Variants in CD5L observed in about 807,000 individuals in gnomAD.
The protein encoded by CD5L is CD5 molecule like.
CD5L carries 39 observed loss-of-function variants against 40.8 expected under a neutral mutation model. The observed-to-expected ratio is 0.96, with a 90% CI of 0.74 to 1.25. CD5L has a LOEUF of 1.25. Ranked by LOEUF, CD5L falls within the 50% of genes most tolerant of loss-of-function variation. The pLI is 0.00. For missense variants in CD5L, 433 were observed against 435.9 expected (o/e 0.99, Z 0.06); for synonymous variants, 192 against 169.6 (o/e 1.13, Z -1.03).
At position 157,833,323 on chromosome 1, in the gene CD5L, G is replaced by A; in HGVS notation, c.908C>T (p.Pro303Leu). ...ATCCAGCCAGATGCGGCCAACCCCA[G>A]GGCCATAGCATTTCCGGTCTCTGAA... ...PSFRDRKCYG[P>L]GVGRIWLDNV... Residue 303 changes from proline to leucine, a missense_variant, in exon 5 of 6, where the codon CCT (proline) becomes CTT (leucine). Coordinates refer to ENST00000368174, the MANE Select transcript of CD5L (RefSeq NM_005894.3). 1.2e-6 allele frequency: 2 copies of A among 1,614,150 alleles called. No homozygotes were observed. Among genetic ancestry groups the A allele is most frequent in the Non-Finnish European group, 1.7e-6 (2 of 1,180,024 alleles).
downstream of CD5L, among the ~76,000 whole-genome samples, chr1:157,827,427 T>C (rs1655930802): frequency 6.6e-6 from 1 of 152,140 alleles, no homozygotes; most frequent in Admixed American, 6.5e-5. Context: ...TCTGATGGCC[T>C]GAGAACTAGA....
Position 157,834,488 on chromosome 1 carries a change from C to T in CD5L, c.637G>A (p.Ala213Thr). 6.2e-7 allele frequency: 1 copy of T among 1,614,202 alleles called. No individual in the cohort carries two copies. The highest frequency in any genetic ancestry group is 8.5e-7 in the Non-Finnish European group (1 of 1,180,040). The part of the protein sequence containing the change: ...LSQMSCSGRE[A>T]TLQDCPSGPW... ...CCAGAAGGGCAATCCTGAAGGGTTG[C>T]TTCTCGTCCTGAGCATGACATCTGG... Residue 213 changes from alanine to threonine, a missense_variant, in exon 4 of 6, where the codon GCA becomes ACA. By Grantham distance (58) the Ala-to-Thr change is moderately conservative. Coordinates refer to ENST00000368174, the MANE Select transcript of CD5L (RefSeq NM_005894.3).
chr1:157,831,650 T>C lies in CD5L; in HGVS notation c.*314A>G, dbSNP rs1197360255. On this transcript the variant is annotated 3_prime_UTR_variant, in exon 6 of 6. Coordinates refer to ENST00000368174, the MANE Select transcript of CD5L (RefSeq NM_005894.3). ...TGCACATCTGACCAAAGTGACAGGT[T>C]TGAGGATTCCAGGCAGCTTGAGAAA... The C allele has an allele frequency of 6.9e-6, 8 of 1,160,946 alleles. No homozygotes were observed. The Admixed American group carries it at 3.7e-4, about 53-fold the overall frequency. 71.9% of individuals were successfully genotyped at this position (1,160,946 alleles called of 1,614,324 possible).
At chr1:157,835,219 T>G (rs910087392) in intron 3 of CD5L, among the ~76,000 whole-genome samples, 8 of 152,204 alleles carry the variant, frequency 5.3e-5, no homozygotes, top group African/African-American at 1.9e-4. Flanking sequence ...AAACAAATTC[T>G]GTGGGCAGAC....
At position 157,831,455 on chromosome 1, in the gene CD5L, T is replaced by G. The variant is rs930837140; in HGVS notation, c.*509A>C. 2 of 980,544 alleles carry G rather than the reference T, an allele frequency of 2.0e-6. No individual in the cohort carries two copies. Among genetic ancestry groups the G allele is most frequent in the African/African-American group, 1.8e-5 (1 of 56,988 alleles). 60.7% of individuals were successfully genotyped at this position (980,544 alleles called of 1,614,324 possible). On this transcript the variant is annotated 3_prime_UTR_variant, in exon 6 of 6. Transcript: ENST00000368174. Reference sequence around the variant, plus strand: ...GAAGCTTGAGGAAAAAAAAAAAAAGTAGTCCAATCAAAAGAATTCTAAACT... The same window carrying G: ...GAAGCTTGAGGAAAAAAAAAAAAAGGAGTCCAATCAAAAGAATTCTAAACT...
downstream of CD5L, among the ~76,000 whole-genome samples, chr1:157,827,387 G>A (rs922993534): frequency 6.6e-6 from 1 of 151,952 alleles, no homozygotes; most frequent in Non-Finnish European, 1.5e-5. Flanking sequence ...TGGAGACATA[G>A]GAAAGGTGGT....
intron 1 of CD5L, among the ~76,000 whole-genome samples, chr1:157,840,057 T>A (rs1343880376): frequency 1.3e-5 from 2 of 152,248 alleles, no homozygotes; most frequent in Non-Finnish European, 2.9e-5. Context: ...GAAATTTAAA[T>A]TTTTTGTCAT....
chr1:157,835,680 T>A (rs1656190461), intron 3 of CD5L, among the ~76,000 whole-genome samples, 155 bp downstream of exon 3: 1 of 152,186 alleles, frequency 6.6e-6, no homozygotes, highest in African/African-American at 2.4e-5. Context: ...ATATTGTTTA[T>A]CTCCAGCACT....
chr1:157,837,280 A>G (rs913503614), intron 2 of CD5L, among the ~76,000 whole-genome samples: 1 of 152,062 alleles, frequency 6.6e-6, no homozygotes, highest in Admixed American at 6.6e-5. Context: ...CAAGACATGC[A>G]AGGAGAGTGG....
rs755311343 is a variant in CD5L, at chr1:157,833,257, C to A, written c.974G>T (p.Cys325Phe). The change falls in exon 5 of 6, where the codon TGC (cysteine) becomes TTC (phenylalanine). Residue 325 changes from cysteine to phenylalanine, a missense_variant. Coordinates refer to ENST00000368174, the MANE Select transcript of CD5L (RefSeq NM_005894.3). ...GTGAAACCCCCAAAATCTGTGCTGG[C>A]ACTGCTCCAGGGACTGCTCCTCCCC... is the stretch of plus-strand genomic sequence containing the variant. ...CSGEEQSLEQ[C>F]QHRFWGFHDC... 2.2e-5 allele frequency: 35 copies of A among 1,614,072 alleles called. No homozygotes were observed. The highest frequency in any genetic ancestry group is 3.0e-5 in the Non-Finnish European group (35 of 1,180,042).
At chr1:157,839,903 G>C (rs1012207774) in intron 1 of CD5L, among the ~76,000 whole-genome samples, 1 of 152,158 alleles carries the variant, frequency 6.6e-6, no homozygotes, top group South Asian at 2.1e-4. Context: ...CTTACTGTAA[G>C]AGGCCAGACA....
chr1:157,832,022 T>C (rs1178266678), intron 5 of CD5L, 54 bp from the exon 6 acceptor site: 7 of 1,375,194 alleles, frequency 5.1e-6, no homozygotes, highest in African/African-American at 1.5e-5. Flanking sequence ...AGGAAGGAAT[T>C]ATTCAGTTGA....
rs1417531660 is a variant in CD5L at position 157,833,501 on chromosome 1, A to T, written c.730T>A (p.Leu244Met). 1 of 1,608,798 alleles carries T rather than the reference A, an allele frequency of 6.2e-7. No homozygotes were observed. Among genetic ancestry groups the T allele is most frequent in the South Asian group, 1.1e-5 (1 of 90,992 alleles). ...AGGTTGTCTCCTCCTACTAGTCTCAAGTCAAAGGGATCTGCAGGATGGGGG... is the reference window on the plus strand; with the variant it reads ...AGGTTGTCTCCTCCTACTAGTCTCATGTCAAAGGGATCTGCAGGATGGGGG... ...TWVECEDPFD[L>M]RLVGGDNLCS... Residue 244 changes from leucine (L) to methionine (M), a missense_variant, in exon 5 of 6, where the codon TTG (leucine) becomes ATG (methionine). Physicochemically the swap from Leu to Met is conservative, Grantham distance 15. Coordinates refer to ENST00000368174, the MANE Select transcript of CD5L (RefSeq NM_005894.3).
chr1:157,833,769 CTTT>C (rs760277537), intron 4 of CD5L, among the ~76,000 whole-genome samples: 5 of 114,528 alleles, frequency 4.4e-5, no homozygotes, highest in Admixed American at 9.2e-5. Context: ...CAAAGCTCAG[CTTT>C]TTTTTTTTTT....
chr1:157,840,509 AC>A (rs1461602258), intron 1 of CD5L, among the ~76,000 whole-genome samples: 1 of 151,994 alleles, frequency 6.6e-6, no homozygotes, highest in Non-Finnish European at 1.5e-5. Context: ...TTTCCAAATA[AC>A]CTCTCATTAC....
chr1:157,840,631 C>A (rs1016576045), intron 1 of CD5L, among the ~76,000 whole-genome samples: 1 of 152,062 alleles, frequency 6.6e-6, no homozygotes, highest in Non-Finnish European at 1.5e-5. Flanking sequence ...ATTGCATAAC[C>A]CCAACCCAAC....
At chr1:157,836,246 T>G in intron 2 of CD5L, 91 bp from the exon 3 acceptor site, 2 of 1,045,130 alleles carry the variant, frequency 1.9e-6, no homozygotes, top group South Asian at 3.1e-5. Context: ...TCTTCCACCA[T>G]TCAAATGGTG....
chr1:157,835,572 T>G (rs1263448788), intron 3 of CD5L, among the ~76,000 whole-genome samples: 1 of 152,226 alleles, frequency 6.6e-6, no homozygotes, highest in Non-Finnish European at 1.5e-5. Context: ...GTGTGCATGT[T>G]GGCATGTGTG....
intron 2 of CD5L, among the ~76,000 whole-genome samples, chr1:157,837,005 T>G (rs902651314): frequency 1.3e-5 from 2 of 152,088 alleles, no homozygotes; most frequent in Admixed American, 6.5e-5. Flanking sequence ...GCCTGTAATC[T>G]TAGCACTTTG....
Sources: allele counts gnomAD v4.1 joint callset (sites outside exome capture counted in the v4.1 genomes callset), GRCh38; gene constraint gnomAD v4.1.1; transcripts MANE v1.5; gene names NCBI Gene and HGNC (gene_info 2026-07-23, HGNC 2026-07-21).